Variants in BRWD1 observed in about 807,000 individuals in gnomAD.
The protein encoded by BRWD1 is bromodomain and WD repeat domain containing 1, also known as bromodomain and WD repeat-containing protein 1.
Under a neutral mutation model 251.2 loss-of-function variants are expected in BRWD1, and 82 were observed. The observed-to-expected ratio is 0.33, with a 90% confidence interval of 0.27 to 0.39. The LOEUF is 0.39. Among genes scored for constraint, BRWD1 ranks in the 10% least tolerant of loss-of-function variants. The pLI is 1.00. For synonymous variants in BRWD1, 918 were observed against 902.8 expected (o/e 1.02, Z -0.30); for missense variants, 2,233 against 2,711.6 (o/e 0.82, Z 3.92).
intron 5 of BRWD1, chr21:39,298,074 C>T (rs1243214006): frequency 2.0e-6 from 2 of 991,964 alleles, no homozygotes; most frequent in Admixed American, 6.1e-5. Flanking sequence ...AATGAAATAC[C>T]TCTAGCATTT....
Position 39,294,044 on chromosome 21 carries a change from T to C in BRWD1, c.610-12A>G, listed in dbSNP as rs768024299. ...CAGTCATCTGAACCCTAAGAAAAAA[T>C]ATATCCAAAAATTAATGTTAGTACA... On this transcript the variant is annotated splice_polypyrimidine_tract_variant and intron_variant, in intron 7 of 40. Transcript: ENST00000342449. 10 of 1,604,036 alleles carry C rather than the reference T, an allele frequency of 6.2e-6. No homozygotes were observed. The highest frequency in any genetic ancestry group is 6.8e-6 in the Non-Finnish European group (8 of 1,172,440).
intron 15 of BRWD1, 103 bp from the exon 16 acceptor site, chr21:39,265,122 A>AG: frequency 2.7e-6 from 1 of 368,302 alleles, no homozygotes; most frequent in Non-Finnish European, 4.0e-6. Flanking sequence ...ATCCCTTCTG[A>AG]AAAAAAAAAA....
intron 19 of BRWD1, among the ~76,000 whole-genome samples, chr21:39,252,194 A>G (rs1453173921): frequency 6.7e-6 from 1 of 150,138 alleles, no homozygotes; most frequent in East Asian, 2.0e-4. Context: ...GGCTGAAGTG[A>G]GCCAAGATCA....
chr21:39,281,902 G>GTATATATATACGTATACATACA (rs1401698046), intron 8 of BRWD1, among the ~76,000 whole-genome samples: 13 of 115,018 alleles, frequency 1.1e-4, no homozygotes, highest in African/African-American at 4.4e-4. Context: ...ATGTATGTAT[G>GTATATATATACGTATACATACA]TATACATGTA....
intron 4 of BRWD1, among the ~76,000 whole-genome samples, chr21:39,310,986 C>T (rs1322899704): frequency 6.6e-6 from 1 of 151,818 alleles, no homozygotes; most frequent in Non-Finnish European, 1.5e-5. Context: ...GACTGGAGGG[C>T]AGAGAGGAAG....
intron 29 of BRWD1, among the ~76,000 whole-genome samples, chr21:39,222,609 T>C (rs1475409677): frequency 2.0e-5 from 3 of 152,244 alleles, no homozygotes; most frequent in African/African-American, 7.2e-5. Context: ...ACACTGATTT[T>C]ATTTCACAAA....
In BRWD1 at chr21:39,190,721, T is replaced by A. The variant is rs1021183610; in HGVS notation, c.*5538A>T. On this transcript the variant is annotated 3_prime_UTR_variant, in exon 41 of 41. Coordinates refer to ENST00000342449, the MANE Select transcript of BRWD1 (RefSeq NM_033656.4). ...ATAAACTGAAGTACCCCAATGGCTGTAGAATAAAATGGTTTCTGTAACTTG... is the reference window on the plus strand; with the variant it reads ...ATAAACTGAAGTACCCCAATGGCTGAAGAATAAAATGGTTTCTGTAACTTG... 2.0e-5 allele frequency: 20 copies of A among 985,314 alleles called. No individual in the cohort carries two copies. The highest frequency in any genetic ancestry group is 2.0e-5 in the Non-Finnish European group (17 of 829,910). The allele number at this position is 985,314 out of a possible 1,614,324, so 61.0% of individuals were successfully genotyped here.
At chr21:39,213,107 A>G (rs1417327513) in intron 33 of BRWD1, among the ~76,000 whole-genome samples, 1 of 152,098 alleles carries the variant, frequency 6.6e-6, no homozygotes. Flanking sequence ...TTTTTTATTT[A>G]TTGTAGAGAC....
chr21:39,204,962 A>G (rs988802220), intron 37 of BRWD1, among the ~76,000 whole-genome samples: 1 of 152,184 alleles, frequency 6.6e-6, no homozygotes, highest in Non-Finnish European at 1.5e-5. Flanking sequence ...CTCCGACTCT[A>G]TATTAAAGAG....
chr21:39,309,432 TG>T (rs2030786139), intron 4 of BRWD1, among the ~76,000 whole-genome samples: 3 of 152,020 alleles, frequency 2.0e-5, no homozygotes, highest in Admixed American at 2.0e-4. Context: ...CACCCCAGCC[TG>T]GGTAATAGAG....
chr21:39,299,642 TTAAC>T (rs2036054526), intron 4 of BRWD1, among the ~76,000 whole-genome samples: 1 of 151,952 alleles, frequency 6.6e-6, no homozygotes, highest in African/African-American at 2.4e-5. Context: ...AAAATCTACA[TTAAC>T]TAATCCCACA....
chr21:39,313,355 G>A (rs1420230244), intron 1 of BRWD1, 56 bp from the exon 2 acceptor site: 4 of 1,446,364 alleles, frequency 2.8e-6, no homozygotes, highest in African/African-American at 1.5e-5. Context: ...GGGGGACGGG[G>A]CCAGGGGAGC....
intron 8 of BRWD1, among the ~76,000 whole-genome samples, chr21:39,284,717 T>C (rs752921753): frequency 6.6e-6 from 1 of 152,208 alleles, no homozygotes; most frequent in Non-Finnish European, 1.5e-5. Flanking sequence ...CAGCCATTTG[T>C]ATGTGTTCTT....
chr21:39,272,605 T>C (rs539971738), intron 13 of BRWD1, among the ~76,000 whole-genome samples: 2 of 150,892 alleles, frequency 1.3e-5, no homozygotes, highest in Admixed American at 6.6e-5. Context: ...AGTAATAACA[T>C]TGCTTTTTTT....
At chr21:39,254,904 TG>T (rs1568920238) in intron 19 of BRWD1, among the ~76,000 whole-genome samples, 1 of 152,204 alleles carries the variant, frequency 6.6e-6, no homozygotes, top group East Asian at 1.9e-4. Flanking sequence ...CTGAAACAAC[TG>T]GAAATTTAAA....
At position 39,236,719 on chromosome 21, in the gene BRWD1, C is replaced by T; in HGVS notation, c.2642G>A (p.Arg881Lys). ...DAGINLQPPL[R>K]TSCRRRITRF... ...AGTAATTCGTCGACGACATGATGTT[C>T]TTAAAGGAGGCTGCAAATTGATGCC... The change falls in exon 23 of 41, where the codon AGA (arginine) becomes AAA (lysine). Residue 881 changes from arginine (R) to lysine (K), a missense_variant. Physicochemically the swap from Arg to Lys is conservative, Grantham distance 26 (BLOSUM62 2). This residue lies in a region of BRWD1 where 214 missense variants were observed against 222.0 expected (regional missense o/e 0.96). Coordinates refer to ENST00000342449, the MANE Select transcript of BRWD1 (RefSeq NM_033656.4). 1 of 1,614,072 alleles carries T rather than the reference C, an allele frequency of 6.2e-7. No homozygotes were observed. The highest frequency in any genetic ancestry group is 2.2e-5 in the East Asian group (1 of 44,876).
chr21:39,282,696 G>A (rs2035508619), intron 8 of BRWD1, among the ~76,000 whole-genome samples: 1 of 152,126 alleles, frequency 6.6e-6, no homozygotes, highest in Non-Finnish European at 1.5e-5. Context: ...AGTTGCTCAT[G>A]CCTGTAATCC....
intron 7 of BRWD1, among the ~76,000 whole-genome samples, chr21:39,294,853 AT>A (rs1438886472): frequency 1.3e-5 from 2 of 152,178 alleles, no homozygotes; most frequent in Non-Finnish European, 2.9e-5. Flanking sequence ...TTCAAGAAAC[AT>A]TTGATTATCT....
chr21:39,242,034 T>C (rs2034022153), intron 21 of BRWD1, among the ~76,000 whole-genome samples: 1 of 152,208 alleles, frequency 6.6e-6, no homozygotes, highest in Non-Finnish European at 1.5e-5. Context: ...CTAATAACCA[T>C]ACAATAGCTT....
Sources: gnomAD v4.1 joint callset for allele counts (sites outside exome capture counted in the v4.1 genomes callset) on GRCh38, gnomAD v4.1.1 for gene constraint, gnomAD v4.1.1 regional missense constraint, MANE v1.5 for transcripts, NCBI Gene and HGNC (gene_info 2026-07-23, HGNC 2026-07-21) for gene names.